Variants in ADGRG7 observed in about 807,000 individuals in gnomAD.
ADGRG7 encodes adhesion G protein-coupled receptor G7, also known as G-protein coupled receptor 128.
Under a neutral mutation model 88.6 loss-of-function variants are expected in ADGRG7, and 82 were observed. The observed-to-expected ratio is 0.93, with a 90% CI of 0.77 to 1.11. The LOEUF (loss-of-function observed/expected upper bound fraction) is 1.11. Among genes scored for constraint, ADGRG7 ranks in the 50% most tolerant of loss-of-function variants. The probability of loss-of-function intolerance (pLI) is 0.00; values close to 1 mark genes in which losing one functional copy is unlikely to be tolerated. For synonymous variants in ADGRG7, 381 were observed against 345.2 expected (o/e 1.10, Z -1.15); for missense variants, 945 against 953.4 (o/e 0.99, Z 0.12).
chr3:100,685,649 T>A (rs1353403176), intron 15 of ADGRG7, among the ~76,000 whole-genome samples: 3 of 152,192 alleles, frequency 2.0e-5, no homozygotes, highest in Non-Finnish European at 4.4e-5. Context: ...CTTGCGATAG[T>A]TTGCTGAGAA....
Position 100,642,687 on chromosome 3 carries a change from C to G in ADGRG7, c.699-579C>G, listed in dbSNP as rs71315206. Among the ~76,000 whole-genome samples the G allele has an allele frequency of 4.6e-5, 7 of 152,338 alleles. No individual in the cohort carries two copies. The South Asian group carries it at 1.4e-3, about 32-fold the overall frequency. ...GCCCCCACTCCCTCCCACCTTCCAT[C>G]TAATCTATCTTTGAACTTAGCCAAA... On this transcript the variant is annotated intron_variant, in intron 6 of 15. Transcript: ENST00000273352.
chr3:100,681,880 G>A (rs1183526741), intron 15 of ADGRG7, among the ~76,000 whole-genome samples: 1 of 152,176 alleles, frequency 6.6e-6, no homozygotes, highest in African/African-American at 2.4e-5. Context: ...ACAGGGCAAG[G>A]AAAGGAGCCC....
chr3:100,646,129 G>A (rs766550744), intron 9 of ADGRG7, 21 bp downstream of exon 9: 5 of 1,431,304 alleles, frequency 3.5e-6, no homozygotes, highest in African/African-American at 1.5e-5. Context: ...CATTGCAGAT[G>A]CAAGAAAAAA....
chr3:100,673,736 C>T (rs780336637), intron 15 of ADGRG7, among the ~76,000 whole-genome samples: 13 of 152,152 alleles, frequency 8.5e-5, no homozygotes, highest in African/African-American at 1.9e-4. Context: ...GGATTACAGG[C>T]GTGAGCCACC....
At chr3:100,632,971 T>C (rs988804259) in intron 3 of ADGRG7, among the ~76,000 whole-genome samples, 1 of 152,180 alleles carries the variant, frequency 6.6e-6, no homozygotes, top group African/African-American at 2.4e-5. Flanking sequence ...ATTTTTCATA[T>C]TGTTTCTAGT....
intron 1 of ADGRG7, among the ~76,000 whole-genome samples, chr3:100,614,634 T>G (rs1707199492): frequency 6.6e-6 from 1 of 152,184 alleles, no homozygotes; most frequent in Non-Finnish European, 1.5e-5. Context: ...GCCTGGATTT[T>G]AAACCCCAAA....
At chr3:100,674,799 G>A (rs1179285512) in intron 15 of ADGRG7, among the ~76,000 whole-genome samples, 1 of 152,016 alleles carries the variant, frequency 6.6e-6, no homozygotes, top group Non-Finnish European at 1.5e-5. Context: ...GGATGGTATC[G>A]ATCTCCTGAC....
In ADGRG7 at chr3:100,676,443, T is replaced by C. The variant is rs140753885; in HGVS notation, c.2136+7338T>C. Among the ~76,000 whole-genome samples, 1,400 of 152,282 alleles carry C rather than the reference T, an allele frequency of 9.2e-3. 9 individuals carry two copies. Among genetic ancestry groups the C allele is most frequent in the Non-Finnish European group, 0.015 (1,050 of 67,978 alleles). On this transcript the variant is annotated intron_variant, in intron 15 of 15. Coordinates refer to ENST00000273352, the MANE Select transcript of ADGRG7 (RefSeq NM_032787.3). Reference sequence around the variant, plus strand: ...CTCTTGTTATTGATTTCTAGTTTTATTGCGTTGTGGTCAGAGAAGATACTT... The same window carrying C: ...CTCTTGTTATTGATTTCTAGTTTTACTGCGTTGTGGTCAGAGAAGATACTT...
chr3:100,610,051 T>C, intron 1 of ADGRG7, 80 bp downstream of exon 1: 2 of 1,151,562 alleles, frequency 1.7e-6, no homozygotes, highest in Admixed American at 3.5e-5. Flanking sequence ...GCACAAGTAC[T>C]GGGAGGTACC....
chr3:100,630,658 T>G (rs1316333212), intron 2 of ADGRG7, 47 bp from the exon 3 acceptor site: 4 of 941,736 alleles, frequency 4.2e-6, no homozygotes, highest in Non-Finnish European at 5.7e-6. Context: ...GGTTTCAATT[T>G]TTTTAAAATA....
At chr3:100,691,617 C>T (rs1324947218) in intron 15 of ADGRG7, among the ~76,000 whole-genome samples, 3 of 151,502 alleles carry the variant, frequency 2.0e-5, no homozygotes, top group Admixed American at 6.6e-5. Context: ...ACACTTTACT[C>T]AACTGTTCCC....
Position 100,609,734 on chromosome 3 carries a change from A to C in ADGRG7, c.-123A>C. 1 of 653,378 alleles carries C rather than the reference A, an allele frequency of 1.5e-6. No homozygotes were observed. Among genetic ancestry groups the C allele is most frequent in the Non-Finnish European group, 2.7e-6 (1 of 366,732 alleles). 40.5% of individuals were successfully genotyped at this position (653,378 alleles called of 1,614,324 possible). On this transcript the variant is annotated 5_prime_UTR_variant, in exon 1 of 16. Coordinates refer to ENST00000273352, the MANE Select transcript of ADGRG7 (RefSeq NM_032787.3). Reference sequence around the variant, plus strand: ...TAAAATACAAAGACATCCATCTGACAGATCACTGAGGGGAGGACTTGTTTT... The same window carrying C: ...TAAAATACAAAGACATCCATCTGACCGATCACTGAGGGGAGGACTTGTTTT...
At chr3:100,662,608 G>A (rs1471309291) in intron 14 of ADGRG7, among the ~76,000 whole-genome samples, 1 of 152,068 alleles carries the variant, frequency 6.6e-6, no homozygotes, top group African/African-American at 2.4e-5. Context: ...AAATAATACT[G>A]TGATTACCAG....
chr3:100,684,437 TC>T (rs1476185526), intron 15 of ADGRG7, among the ~76,000 whole-genome samples: 2 of 151,836 alleles, frequency 1.3e-5, no homozygotes, highest in Non-Finnish European at 2.9e-5. Flanking sequence ...CTAATTTTTT[TC>T]CAATTATTTT....
chr3:100,687,214 G>A (rs767357994), intron 15 of ADGRG7, among the ~76,000 whole-genome samples: 4 of 152,128 alleles, frequency 2.6e-5, no homozygotes, highest in Non-Finnish European at 2.9e-5. Context: ...TGTGATTTTT[G>A]CACATTGATT....
In ADGRG7 at chr3:100,655,879, T is replaced by A. The variant is rs1409483169; in HGVS notation, c.1727-20T>A. The A allele has an allele frequency of 1.5e-6, 2 of 1,291,738 alleles. No individual in the cohort carries two copies. Among genetic ancestry groups the A allele is most frequent in the Non-Finnish European group, 2.3e-6 (2 of 888,772 alleles). 80.0% of individuals were successfully genotyped at this position (1,291,738 alleles called of 1,614,324 possible). A position where few individuals can be genotyped will look rare whatever the true frequency, so the allele number is the denominator to read the frequency against. ...AAGTCTGGATAAATCATTAATTATG[T>A]GCCTCTCTTTATCACATAGGAGTCC... On this transcript the variant is annotated intron_variant, in intron 12 of 15. Coordinates refer to ENST00000273352, the MANE Select transcript of ADGRG7 (RefSeq NM_032787.3).
At chr3:100,659,930 C>T in intron 14 of ADGRG7, 87 bp downstream of exon 14, 1 of 1,295,500 alleles carries the variant, frequency 7.7e-7, no homozygotes, top group South Asian at 1.4e-5. Context: ...GTTTCAGAAG[C>T]TTTCAAACTG....
intron 5 of ADGRG7, among the ~76,000 whole-genome samples, chr3:100,636,438 C>T (rs1487184948): frequency 6.6e-6 from 1 of 152,130 alleles, no homozygotes; most frequent in Non-Finnish European, 1.5e-5. Context: ...AAACTTTAAG[C>T]CTAGTTTACA....
intron 15 of ADGRG7, among the ~76,000 whole-genome samples, chr3:100,685,297 G>A (rs1013117212): frequency 3.9e-5 from 6 of 151,990 alleles, no homozygotes; most frequent in African/African-American, 9.7e-5. Flanking sequence ...TTCTATAGAC[G>A]AACGGAAATT....
Sources: gnomAD v4.1 joint callset for allele counts (sites outside exome capture counted in the v4.1 genomes callset) on GRCh38, gnomAD v4.1.1 for gene constraint, MANE v1.5 for transcripts, NCBI Gene and HGNC (gene_info 2026-07-23, HGNC 2026-07-21) for gene names.